The following PARVB variants were observed in gnomAD, a reference collection of about 807,000 sequenced individuals.
PARVB encodes beta-parvin.
PARVB carries 46 observed loss-of-function variants against 47.0 expected under a neutral mutation model. The ratio of observed to expected loss-of-function variants is 0.98; its 90% CI spans 0.77 to 1.25. The LOEUF is 1.25. PARVB is among the 50% of genes most tolerant of loss of function. The pLI is 0.00. For missense variants in PARVB, 473 were observed against 471.6 expected (o/e 1.00, Z -0.03); for synonymous variants, 196 against 196.3 (o/e 1.00, Z 0.01).
At chr22:44,022,259 C>T (rs139746146), upstream of PARVB, among the ~76,000 whole-genome samples, 205 of 152,282 alleles carry the variant, frequency 1.3e-3, no homozygotes, top group East Asian at 0.026. Context: ...CAAGACACCC[C>T]AGTGTCCTCT....
At chr22:44,001,891 C>G (rs1338409956) in intron 2 of PARVB, among the ~76,000 whole-genome samples, 1 of 152,176 alleles carries the variant, frequency 6.6e-6, no homozygotes. Flanking sequence ...CATATGAGCC[C>G]CTGTGAGCAG....
rs146200005 is a variant in PARVB, at chr22:44,001,666, A to G, written c.211+1993A>G. On this transcript the variant is annotated intron_variant, in intron 2 of 13. Transcript: ENST00000406477. ...TGCCAAGCTCATGGTGCTGGATCCA[A>G]GTTTCCAAAAATTCCAGTTTTCACT... 2.0e-5 allele frequency among the ~76,000 whole-genome samples: 3 copies of G among 152,334 alleles called. No individual in the cohort carries two copies. The East Asian group carries it at 5.8e-4, about 29-fold the overall frequency.
intron 1 of PARVB, among the ~76,000 whole-genome samples, chr22:44,077,615 ACGGGGAGTCGCCAGGTGGGTGC>A (rs948266206): frequency 2.0e-5 from 3 of 152,132 alleles, no homozygotes; most frequent in African/African-American, 4.8e-5. Flanking sequence ...CCAGGATGTG[ACGGGGAGTCGCCAGGTGGGTGC>A]CGGGGAGGTG....
At chr22:44,084,510 T>C (rs1411806026) in intron 1 of PARVB, among the ~76,000 whole-genome samples, 1 of 152,232 alleles carries the variant, frequency 6.6e-6, no homozygotes, top group Non-Finnish European at 1.5e-5. Context: ...AAAGCCCCAC[T>C]GGCCAATCCA....
intron 1 of PARVB, chr22:44,026,297 A>G (rs1261155947): frequency 2.0e-6 from 2 of 984,986 alleles, no homozygotes; most frequent in African/African-American, 3.5e-5. Context: ...AGCAGGAAGC[A>G]TCCTGTGCTG....
chr22:44,071,301 T>C, intron 1 of PARVB, among the ~76,000 whole-genome samples: 1 of 152,186 alleles, frequency 6.6e-6, no homozygotes, highest in East Asian at 1.9e-4. Flanking sequence ...GGACTCACTT[T>C]GGGAGATACT....
At chr22:44,147,566 A>C in intron 8 of PARVB, 3 of 512,608 alleles carry the variant, frequency 5.9e-6, no homozygotes, top group East Asian at 4.3e-5. Flanking sequence ...TGCAGATGCC[A>C]GATGCCATCT....
At chr22:44,107,116 T>C (rs2052585223) in intron 3 of PARVB, 1 of 152,254 alleles carries the variant, frequency 6.6e-6, no homozygotes, top group Non-Finnish European at 1.5e-5. Flanking sequence ...GGGAGTTGAA[T>C]GGACAGATGG....
upstream of PARVB, among the ~76,000 whole-genome samples, chr22:44,020,621 T>C (rs112821473): frequency 2.6e-5 from 4 of 152,222 alleles, no homozygotes; most frequent in African/African-American, 7.2e-5. Flanking sequence ...ATTTTCTGGA[T>C]GATTACAAAG....
chr22:44,063,103 C>G (rs750660126), intron 1 of PARVB, among the ~76,000 whole-genome samples: 1 of 151,950 alleles, frequency 6.6e-6, no homozygotes, highest in Non-Finnish European at 1.5e-5. Context: ...AACTTTGTGT[C>G]AGGAACCAGG....
intron 3 of PARVB, among the ~76,000 whole-genome samples, chr22:44,116,859 G>A (rs571213040): frequency 2.0e-5 from 3 of 152,314 alleles, no homozygotes; most frequent in Non-Finnish European, 2.9e-5. Flanking sequence ...CAGAGGCCCC[G>A]TGGCGCAGAT....
chr22:44,170,593 C>A lies in PARVB; in HGVS notation c.*1915C>A, dbSNP rs1029251388. ...TATGGGTTGTTCACCCCCTCGCTCACCCCAGCTCTGCAGAGAACTGGGGAT... is the reference window on the plus strand; with the variant it reads ...TATGGGTTGTTCACCCCCTCGCTCAACCCAGCTCTGCAGAGAACTGGGGAT... On this transcript the variant is annotated 3_prime_UTR_variant, in exon 13 of 13. Transcript: ENST00000338758. 6.6e-6 allele frequency: 1 copy of A among 152,208 alleles called. No individual in the cohort carries two copies. Among genetic ancestry groups the A allele is most frequent in the Non-Finnish European group, 1.5e-5 (1 of 68,046 alleles). The allele number at this position is 152,208 out of a possible 1,614,324, so 9.4% of individuals were successfully genotyped here. A position where few individuals can be genotyped will look rare whatever the true frequency, so the allele number is the denominator to read the frequency against.
intron 2 of PARVB, among the ~76,000 whole-genome samples, chr22:44,098,800 TTTC>T (rs1352070362): frequency 3.9e-5 from 6 of 152,088 alleles, no homozygotes; most frequent in African/African-American, 7.2e-5. Context: ...TCAAAGCCAT[TTTC>T]TTTCTTTCTT....
chr22:44,013,473 G>A (rs2050544798), intron 2 of PARVB, among the ~76,000 whole-genome samples: 1 of 152,156 alleles, frequency 6.6e-6, no homozygotes, highest in South Asian at 2.1e-4. Flanking sequence ...CCATATGCAG[G>A]GGAGATCCTC....
chr22:44,004,779 C>G (rs892549115), intron 2 of PARVB, among the ~76,000 whole-genome samples: 1 of 152,162 alleles, frequency 6.6e-6, no homozygotes, highest in Non-Finnish European at 1.5e-5. Flanking sequence ...GAACCTTTTC[C>G]GTCTCTCCAG....
intron 4 of PARVB, among the ~76,000 whole-genome samples, chr22:44,129,682 A>G (rs1434651659): frequency 6.6e-6 from 1 of 152,210 alleles, no homozygotes; most frequent in Non-Finnish European, 1.5e-5. Context: ...TGACTCAGCG[A>G]GGAGCTGTTA....
chr22:44,022,045 G>A (rs1229801652), upstream of PARVB, among the ~76,000 whole-genome samples: 1 of 151,998 alleles, frequency 6.6e-6, no homozygotes, highest in East Asian at 1.9e-4. Flanking sequence ...CGGTCATCTT[G>A]GATTACAGCC....
chr22:44,098,303 C>T (rs2052357312), intron 2 of PARVB, among the ~76,000 whole-genome samples: 1 of 152,176 alleles, frequency 6.6e-6, no homozygotes, highest in Non-Finnish European at 1.5e-5. Flanking sequence ...GGGTCTCAGA[C>T]ATGGGTCACA....
chr22:44,034,640 T>C (rs1266328100), intron 1 of PARVB, among the ~76,000 whole-genome samples: 2 of 151,746 alleles, frequency 1.3e-5, no homozygotes, highest in African/African-American at 4.8e-5. Context: ...ATTAATAGAA[T>C]TGACCCTTGA....
Sources: allele counts gnomAD v4.1 joint callset (sites outside exome capture counted in the v4.1 genomes callset), GRCh38; gene constraint gnomAD v4.1.1; transcripts MANE v1.5; gene names NCBI Gene and HGNC (gene_info 2026-07-23, HGNC 2026-07-21).